Variants in PRRX2 observed in about 807,000 individuals in gnomAD.
PRRX2 encodes paired related homeobox 2.
PRRX2 carries 11 observed loss-of-function variants against 18.0 expected under a neutral mutation model. The observed-to-expected ratio is 0.61, with a 90% CI of 0.39 to 1.01. The LOEUF (loss-of-function observed/expected upper bound fraction) is 1.01. PRRX2 is among the 50% of genes least tolerant of loss of function. The probability of loss-of-function intolerance (pLI) is 0.01; values close to 1 mark genes in which losing one functional copy is unlikely to be tolerated. For missense variants in PRRX2, 387 were observed against 351.0 expected, an observed-to-expected ratio of 1.10 and a Z score of -0.82; for synonymous variants, 177 against 154.8, an observed-to-expected ratio of 1.14 and a Z score of -1.06.
chr9:129,681,348 C>T (rs1230673533), intron 1 of PRRX2, among the ~76,000 whole-genome samples: 3 of 152,074 alleles, frequency 2.0e-5, no homozygotes, highest in Non-Finnish European at 4.4e-5. Flanking sequence ...GGCAAAACCC[C>T]GTCTCTATTA....
Position 129,665,777 on chromosome 9 carries a change from G to A in PRRX2, c.-91G>A. The A allele has an allele frequency of 1.1e-6, 1 of 923,868 alleles. No individual in the cohort carries two copies. The highest frequency in any genetic ancestry group is 1.3e-6 in the Non-Finnish European group (1 of 769,318). 57.2% of individuals were successfully genotyped at this position (923,868 alleles called of 1,614,324 possible). ...GCGGGAGCTGGGCAGAGCGCGGGGCGGCCGGGGCTCTCGCTCCGACCCGCG... is the reference window on the plus strand; with the variant it reads ...GCGGGAGCTGGGCAGAGCGCGGGGCAGCCGGGGCTCTCGCTCCGACCCGCG... On this transcript the variant is annotated 5_prime_UTR_variant, in exon 1 of 4. Coordinates refer to ENST00000372469, the MANE Select transcript of PRRX2 (RefSeq NM_016307.4). This position sits in a 1 kb window ranked among gnomAD's most constrained non-coding sequence, Gnocchi z 5.3.
At chr9:129,684,993 C>T (rs918666843) in intron 1 of PRRX2, among the ~76,000 whole-genome samples, 3 of 152,214 alleles carry the variant, frequency 2.0e-5, no homozygotes, top group African/African-American at 7.2e-5. Flanking sequence ...GGACAACTGC[C>T]ACTGGGCCAC....
rs1382194556 is a variant in PRRX2 at position 129,719,427 on chromosome 9, T to G, written c.447+9T>G. On this transcript the variant is annotated intron_variant, in intron 2 of 3. Transcript: ENST00000372469. ...GCGAGGCGCGCGTTCAGGTGAGCGCTCAGTCCCGGGCCTCCCGTGGGAGCG... is the reference window on the plus strand; with the variant it reads ...GCGAGGCGCGCGTTCAGGTGAGCGCGCAGTCCCGGGCCTCCCGTGGGAGCG... 9 of 1,516,420 alleles carry G rather than the reference T, an allele frequency of 5.9e-6. No homozygotes were observed. The highest frequency in any genetic ancestry group is 1.4e-5 in the African/African-American group (1 of 72,370). The allele number at this position is 1,516,420 out of a possible 1,614,324, so 93.9% of individuals were successfully genotyped here.
At chr9:129,704,302 C>T (rs1832533662) in intron 1 of PRRX2, among the ~76,000 whole-genome samples, 1 of 152,154 alleles carries the variant, frequency 6.6e-6, no homozygotes, top group African/African-American at 2.4e-5. Context: ...GAGCCCTGGG[C>T]CACGCCATCC....
rs1832013048 is a variant in PRRX2 at position 129,665,896 on chromosome 9, T to A, written c.29T>A (p.Leu10Gln). The part of the protein sequence containing the change: MDSAAAAFA[L>Q]DKPALGPGPP... The stretch of plus-strand genomic sequence containing the variant: ...GACAGCGCGGCCGCCGCCTTCGCCC[T>A]GGACAAGCCGGCGCTGGGCCCGGGG... Residue 10 changes from leucine to glutamine, a missense_variant, in exon 1 of 4, where the codon CTG becomes CAG. Coordinates refer to ENST00000372469, the MANE Select transcript of PRRX2 (RefSeq NM_016307.4). This position sits in a 1 kb window ranked among gnomAD's most constrained non-coding sequence, Gnocchi z 5.3. 9.1e-7 allele frequency: 1 copy of A among 1,095,094 alleles called. No homozygotes were observed. Among genetic ancestry groups the A allele is most frequent in the Non-Finnish European group, 1.1e-6 (1 of 904,386 alleles). The allele number at this position is 1,095,094 out of a possible 1,614,324, so 67.8% of individuals were successfully genotyped here.
At chr9:129,679,611 C>A (rs1390049930) in intron 1 of PRRX2, among the ~76,000 whole-genome samples, 3 of 152,202 alleles carry the variant, frequency 2.0e-5, no homozygotes, top group African/African-American at 7.2e-5. Flanking sequence ...CCCCTGCCGA[C>A]CTGGAGTCCC....
intron 1 of PRRX2, among the ~76,000 whole-genome samples, chr9:129,670,696 G>T (rs1007704453): frequency 5.9e-5 from 9 of 152,138 alleles, no homozygotes; most frequent in African/African-American, 1.9e-4. Context: ...TGTGTTAAGG[G>T]TCCATAATAC....
rs1588165796 is a variant in PRRX2, at chr9:129,686,807, A to C, written c.259+20681A>C. On this transcript the variant is annotated intron_variant, in intron 1 of 3. Coordinates refer to ENST00000372469, the MANE Select transcript of PRRX2 (RefSeq NM_016307.4). ...ACCACCGGCCGCCCCTCCTCCACCC[A>C]GGCCCCTCCCCTCCCTTCCAGAAAA... Among the ~76,000 whole-genome samples, 4 of 152,158 alleles carry C rather than the reference A, an allele frequency of 2.6e-5. No homozygotes were observed. The East Asian group carries it at 7.7e-4, about 29-fold the overall frequency.
At chr9:129,687,445 G>T (rs1309248541) in intron 1 of PRRX2, among the ~76,000 whole-genome samples, 1 of 152,100 alleles carries the variant, frequency 6.6e-6, no homozygotes. Context: ...TCCATGAGTG[G>T]CTGGGAAACT....
intron 1 of PRRX2, among the ~76,000 whole-genome samples, chr9:129,699,148 C>T (rs958665176): frequency 2.0e-5 from 3 of 152,216 alleles, no homozygotes; most frequent in African/African-American, 7.2e-5. Context: ...ATAGGCTGGG[C>T]GCAGTGGCTC....
chr9:129,674,332 G>C (rs1045943371), intron 1 of PRRX2, among the ~76,000 whole-genome samples: 3 of 152,168 alleles, frequency 2.0e-5, no homozygotes, highest in African/African-American at 7.2e-5. Context: ...GCAGTCTCTG[G>C]AAGATATTAT....
At chr9:129,691,912 C>T (rs1588167523) in intron 1 of PRRX2, among the ~76,000 whole-genome samples, 1 of 151,040 alleles carries the variant, frequency 6.6e-6, no homozygotes, top group Admixed American at 6.6e-5. Flanking sequence ...TATGAGCCAT[C>T]GTGCCTGGCC....
At chr9:129,697,859 GT>G (rs1052724533) in intron 1 of PRRX2, among the ~76,000 whole-genome samples, 9 of 152,096 alleles carry the variant, frequency 5.9e-5, no homozygotes, top group African/African-American at 2.2e-4. Context: ...AAGTTTGTGC[GT>G]AAGATTTTTC....
In PRRX2 at chr9:129,703,905, C is replaced by T. The variant is rs996625127; in HGVS notation, c.260-15326C>T. Among the ~76,000 whole-genome samples the T allele has an allele frequency of 4.6e-5, 7 of 152,354 alleles. No homozygotes were observed. In the South Asian group the frequency reaches 1.2e-3, roughly 27 times the overall value. ...GCAGCACTGCCCAGAGCCAGGGGCA[C>T]GGCAGGTCCCGTCAGCCTCGCAGGC... is the stretch of plus-strand genomic sequence containing the variant. On this transcript the variant is annotated intron_variant, in intron 1 of 3. Coordinates refer to ENST00000372469, the MANE Select transcript of PRRX2 (RefSeq NM_016307.4).
At chr9:129,668,258 G>A (rs1485776529) in intron 1 of PRRX2, among the ~76,000 whole-genome samples, 1 of 152,212 alleles carries the variant, frequency 6.6e-6, no homozygotes, top group Non-Finnish European at 1.5e-5. Flanking sequence ...CTCCAAAGGT[G>A]GGGGAGATGG....
At chr9:129,673,124 A>G (rs915438540) in intron 1 of PRRX2, among the ~76,000 whole-genome samples, 5 of 152,192 alleles carry the variant, frequency 3.3e-5, no homozygotes, top group Non-Finnish European at 7.3e-5. Context: ...CATCCAAGAA[A>G]GAACCTTTTA....
At position 129,675,846 on chromosome 9, in the gene PRRX2, G is replaced by C. The variant is rs778376075; in HGVS notation, c.259+9720G>C. Among the ~76,000 whole-genome samples, 1 of 152,188 alleles carries C rather than the reference G, an allele frequency of 6.6e-6. No individual in the cohort carries two copies. The highest frequency in any genetic ancestry group is 2.4e-5 in the African/African-American group (1 of 41,448). On this transcript the variant is annotated intron_variant, in intron 1 of 3. Transcript: ENST00000372469. This position sits in a 1 kb window ranked among gnomAD's most constrained non-coding sequence, Gnocchi z 4.4. ...CTCTCTCGCCGCCAGAGCTCTGCGC[G>C]GGCCTCCCGTATAAAACCCCGCAGA... is the stretch of plus-strand genomic sequence containing the variant.
chr9:129,672,108 G>T lies in PRRX2; in HGVS notation c.259+5982G>T, dbSNP rs144867018. Among the ~76,000 whole-genome samples, 453 of 152,260 alleles carry T rather than the reference G, an allele frequency of 3.0e-3. 2 individuals carry two copies. Among genetic ancestry groups the T allele is most frequent in the African/African-American group, 0.01 (424 of 41,524 alleles). ...CTTCCGTGGTTTCCTAGACCCTAAA[G>T]GACAGTGGCTCACCCAGGGTGGAAG... On this transcript the variant is annotated intron_variant, in intron 1 of 3. Transcript: ENST00000372469.
chr9:129,706,030 T>C (rs1248906111), intron 1 of PRRX2, among the ~76,000 whole-genome samples: 1 of 152,290 alleles, frequency 6.6e-6, no homozygotes, highest in South Asian at 2.1e-4. Context: ...TCAGGAGATA[T>C]CCTTTGCTTG....
Sources: allele counts gnomAD v4.1 joint callset (sites outside exome capture counted in the v4.1 genomes callset), GRCh38; gene constraint gnomAD v4.1.1; non-coding constraint Gnocchi (gnomAD v3.1); transcripts MANE v1.5; gene names NCBI Gene and HGNC (gene_info 2026-07-23, HGNC 2026-07-21).